MFAP3L: variants seen among roughly 807,000 people sequenced by gnomAD.
MFAP3L encodes microfibrillar-associated protein 3-like.
MFAP3L carries 5 observed loss-of-function variants against 20.0 expected under a neutral mutation model. The ratio of observed to expected loss-of-function variants is 0.25; its 90% CI spans 0.13 to 0.53. MFAP3L has a LOEUF of 0.53. Ranked by LOEUF, MFAP3L falls within the 20% of genes least tolerant of loss-of-function variation. The pLI is 0.96. For synonymous variants in MFAP3L, 219 were observed against 213.0 expected (o/e 1.03, Z -0.25); for missense variants, 409 against 527.5 (o/e 0.78, Z 2.20).
In MFAP3L at chr4:170,005,800, G is replaced by A. The variant is rs777867318; in HGVS notation, c.78C>T (p.Ala26=). The change falls in exon 2 of 3, where the codon GCC becomes GCT. Residue 26 remains alanine (A), a synonymous_variant. Coordinates refer to ENST00000361618, the MANE Select transcript of MFAP3L (RefSeq NM_021647.8). ...VPFLILVSTL[A]TAKSVTNSTL... is the part of the protein sequence containing the mutation. Reference sequence around the variant, plus strand: ...TGCTGTTAGTCACACTCTTAGCGGTGGCTAGAGTGGATACTAGGATTAAAA... The same window carrying A: ...TGCTGTTAGTCACACTCTTAGCGGTAGCTAGAGTGGATACTAGGATTAAAA... 8 of 1,614,198 alleles carry A rather than the reference G, an allele frequency of 5.0e-6. No individual in the cohort carries two copies. Among genetic ancestry groups the A allele is most frequent in the Non-Finnish European group, 6.8e-6 (8 of 1,180,042 alleles).
intron 1 of MFAP3L, among the ~76,000 whole-genome samples, chr4:170,017,689 C>G (rs1373908469): frequency 6.6e-6 from 1 of 152,204 alleles, no homozygotes; most frequent in Non-Finnish European, 1.5e-5. Flanking sequence ...TTTATTCCAT[C>G]TTAATAATCT....
In MFAP3L at chr4:170,026,225, C is replaced by G. The variant is rs1730399327; in HGVS notation, c.-134+9G>C. 7.1e-6 allele frequency: 7 copies of G among 984,620 alleles called. No individual in the cohort carries two copies. Among genetic ancestry groups the G allele is most frequent in the Non-Finnish European group, 7.2e-6 (6 of 829,616 alleles). The allele number at this position is 984,620 out of a possible 1,614,324, so 61.0% of individuals were successfully genotyped here. Reference sequence around the variant, plus strand: ...CCTCCGCCCCGGCCCGCCGGGGGCCCCCGCTAACCTGACACCGCCGCGCCA... The same window carrying G: ...CCTCCGCCCCGGCCCGCCGGGGGCCGCCGCTAACCTGACACCGCCGCGCCA... On this transcript the variant is annotated intron_variant, in intron 1 of 2. Coordinates refer to ENST00000361618, the MANE Select transcript of MFAP3L (RefSeq NM_021647.8).
intron 2 of MFAP3L, among the ~76,000 whole-genome samples, chr4:169,993,155 CTTTGG>C (rs1404534701): frequency 1.3e-5 from 2 of 152,150 alleles, no homozygotes; most frequent in Non-Finnish European, 2.9e-5. Context: ...CAGTGAAACA[CTTTGG>C]TTTGAATTTA....
chr4:169,996,827 G>C (rs1738210113), intron 2 of MFAP3L, among the ~76,000 whole-genome samples: 1 of 152,156 alleles, frequency 6.6e-6, no homozygotes, highest in Non-Finnish European at 1.5e-5. Context: ...TGACAGGTTT[G>C]CCTTACTGTA....
rs369219236 is a variant in MFAP3L at position 169,999,174 on chromosome 4, C to T, written c.298+6406G>A. Among the ~76,000 whole-genome samples the T allele has an allele frequency of 4.8e-3, 732 of 152,324 alleles. 8 individuals are homozygous for T. Among genetic ancestry groups the T allele is most frequent in the African/African-American group, 0.017 (710 of 41,572 alleles). On this transcript the variant is annotated intron_variant, in intron 2 of 2. Transcript: ENST00000361618. ...AGAAGCTGCAAGTGCTCTTGTGCCT[C>T]CCCAACCCCACTCACAACCCTCCCA...
intron 2 of MFAP3L, among the ~76,000 whole-genome samples, chr4:169,999,268 G>A (rs937049830): frequency 1.3e-5 from 2 of 152,158 alleles, no homozygotes; most frequent in Non-Finnish European, 2.9e-5. Context: ...GAGCGAAGGT[G>A]GCCTGGGATA....
chr4:169,991,471 T>C lies in MFAP3L; in HGVS notation c.1137A>G (p.Pro379=). ...TSEEPTPVEV[P]DKVLPPAYLE... The stretch of plus-strand genomic sequence containing the variant: ...GGTAAGCTGGCGGCAGTACCTTATC[T>C]GGTACCTCAACAGGTGTTGGCTCTT... The change falls in exon 3 of 3, where the codon CCA becomes CCG. Residue 379 remains proline (P), a synonymous_variant. Transcript: ENST00000361618. This position sits in a 1 kb window ranked among gnomAD's most constrained non-coding sequence, Gnocchi z 4.9. 6.2e-7 allele frequency: 1 copy of C among 1,614,178 alleles called. No individual in the cohort carries two copies. The highest frequency in any genetic ancestry group is 1.1e-5 in the South Asian group (1 of 91,078).
At chr4:169,994,567 G>C in intron 2 of MFAP3L, 1 of 969,350 alleles carries the variant, frequency 1.0e-6, no homozygotes, top group Non-Finnish European at 1.2e-6. Flanking sequence ...TGAGTTTTCA[G>C]ATATGATTTT....
At chr4:170,018,125 T>C (rs1486956269) in intron 1 of MFAP3L, among the ~76,000 whole-genome samples, 1 of 152,148 alleles carries the variant, frequency 6.6e-6, no homozygotes, top group African/African-American at 2.4e-5. Context: ...ACTAGGTAAA[T>C]GCCACAGAAA....
intron 1 of MFAP3L, among the ~76,000 whole-genome samples, chr4:170,022,110 G>C (rs919203049): frequency 6.6e-6 from 1 of 152,236 alleles, no homozygotes; most frequent in Non-Finnish European, 1.5e-5. Context: ...CAGAAACAAA[G>C]TGAAATGTGA....
chr4:170,000,112 A>C (rs1738509975), intron 2 of MFAP3L, among the ~76,000 whole-genome samples: 1 of 152,208 alleles, frequency 6.6e-6, no homozygotes, highest in African/African-American at 2.4e-5. Flanking sequence ...CTGGTGCATA[A>C]TACTTTGTAA....
At chr4:170,016,765 T>A (rs1324781380) in intron 1 of MFAP3L, among the ~76,000 whole-genome samples, 1 of 152,238 alleles carries the variant, frequency 6.6e-6, no homozygotes, top group East Asian at 1.9e-4. Context: ...TACAAATTCA[T>A]TTCTTAGACA....
chr4:170,020,010 C>A (rs181318429), intron 1 of MFAP3L, among the ~76,000 whole-genome samples: 1 of 152,330 alleles, frequency 6.6e-6, no homozygotes, highest in African/African-American at 2.4e-5. Context: ...TTATGTATCT[C>A]TTACAAAGTC....
rs1231234677 is a variant in MFAP3L at position 170,005,576 on chromosome 4, C to T, written c.298+4G>A. The T allele has an allele frequency of 1.2e-6, 2 of 1,612,848 alleles. No individual in the cohort carries two copies. The highest frequency in any genetic ancestry group is 1.7e-6 in the Non-Finnish European group (2 of 1,178,936). On this transcript the variant is annotated splice_donor_region_variant and intron_variant, in intron 2 of 2. Transcript: ENST00000361618. ...ATGACATTTGATACAACTTTAAAGC[C>T]TACCTCCTCCTCTCTCCTTCTCATC...
Position 170,004,428 on chromosome 4 carries a change from A to C in MFAP3L, c.298+1152T>G, listed in dbSNP as rs757784320. Among the ~76,000 whole-genome samples the C allele has an allele frequency of 4.7e-4, 71 of 152,334 alleles. 1 individual carries two copies. Among genetic ancestry groups the C allele is most frequent in the Non-Finnish European group, 8.8e-4 (60 of 68,028 alleles). On this transcript the variant is annotated intron_variant, in intron 2 of 2. Transcript: ENST00000361618. ...ATGTAATATTTTGACTTAAAGGAAG[A>C]AGCTTTATAATGCTCTACAACCTTG...
intron 1 of MFAP3L, among the ~76,000 whole-genome samples, chr4:170,016,970 T>C (rs1739738225): frequency 6.6e-6 from 1 of 152,188 alleles, no homozygotes; most frequent in Non-Finnish European, 1.5e-5. Flanking sequence ...CTTGTTATTG[T>C]TGAAGTGAAA....
chr4:170,008,537 G>A (rs961865369), intron 1 of MFAP3L, among the ~76,000 whole-genome samples: 3 of 152,184 alleles, frequency 2.0e-5, no homozygotes, highest in East Asian at 1.9e-4. Context: ...CAGTCTAGTA[G>A]TGGAAAGACA....
At chr4:170,011,927 TAC>T in intron 1 of MFAP3L, among the ~76,000 whole-genome samples, 1 of 152,246 alleles carries the variant, frequency 6.6e-6, no homozygotes, top group South Asian at 2.1e-4. Flanking sequence ...AAGAAACGAT[TAC>T]AGAGAACCTG....
intron 1 of MFAP3L, among the ~76,000 whole-genome samples, chr4:170,012,374 A>G (rs1261347749): frequency 6.6e-6 from 1 of 152,238 alleles, no homozygotes; most frequent in Non-Finnish European, 1.5e-5. Flanking sequence ...TGTCTCATTT[A>G]CTAAAAACCA....
Sources: allele counts gnomAD v4.1 joint callset (sites outside exome capture counted in the v4.1 genomes callset), GRCh38; gene constraint gnomAD v4.1.1; non-coding constraint Gnocchi (gnomAD v3.1); transcripts MANE v1.5; gene names NCBI Gene and HGNC (gene_info 2026-07-23, HGNC 2026-07-21).